WWOX: variants seen among roughly 807,000 people sequenced by gnomAD.
WWOX encodes WW domain containing oxidoreductase, also known as WW domain-containing oxidoreductase.
Under a neutral mutation model 46.2 loss-of-function variants are expected in WWOX, and 69 were observed. The observed-to-expected ratio is 1.49, with a 90% CI of 1.23 to 1.82. The LOEUF is 1.82. Ranked by LOEUF, WWOX falls within the 40% of genes most tolerant of loss-of-function variation. The probability of loss-of-function intolerance (pLI) is 0.00; values close to 1 mark genes in which losing one functional copy is unlikely to be tolerated. For synonymous variants in WWOX, 359 were observed against 202.6 expected, an observed-to-expected ratio of 1.77 and a Z score of -6.56; for missense variants, 919 against 542.6, an observed-to-expected ratio of 1.69 and a Z score of -6.89.
chr16:78,163,649 G>T (rs929753855), intron 4 of WWOX, among the ~76,000 whole-genome samples: 1 of 152,168 alleles, frequency 6.6e-6, no homozygotes. Flanking sequence ...GTATGCACGT[G>T]TGTTATTTTG....
intron 8 of WWOX, among the ~76,000 whole-genome samples, chr16:78,436,553 T>A (rs1476547298): frequency 6.6e-6 from 1 of 152,234 alleles, no homozygotes; most frequent in East Asian, 1.9e-4. Context: ...TTGGTAGTAC[T>A]TTTTTAGCCA....
At chr16:78,898,613 A>G (rs1055372488) in intron 8 of WWOX, 12 of 152,102 alleles carry the variant, frequency 7.9e-5, no homozygotes, top group Non-Finnish European at 1.6e-4. Context: ...CCTTTTACAT[A>G]TATATTTCCT....
chr16:78,157,398 T>C (rs1271963052), intron 4 of WWOX, among the ~76,000 whole-genome samples: 2 of 152,140 alleles, frequency 1.3e-5, no homozygotes, highest in African/African-American at 4.8e-5. Flanking sequence ...TGCTCACTGG[T>C]GATAAGGGGT....
chr16:78,895,711 A>T (rs1401016446), intron 8 of WWOX: 1 of 152,224 alleles, frequency 6.6e-6, no homozygotes, highest in Non-Finnish European at 1.5e-5. Flanking sequence ...CAAAAAGTTC[A>T]TTGGTCAAAT....
chr16:79,092,585 T>C (rs1233592645), intron 8 of WWOX, among the ~76,000 whole-genome samples: 2 of 152,182 alleles, frequency 1.3e-5, no homozygotes, highest in African/African-American at 2.4e-5. Flanking sequence ...CCTTGTTTTG[T>C]GTAATTGGTC....
chr16:78,745,266 C>T (rs191455638), intron 8 of WWOX, among the ~76,000 whole-genome samples: 1 of 152,216 alleles, frequency 6.6e-6, no homozygotes, highest in African/African-American at 2.4e-5. Flanking sequence ...TTGAATCTTT[C>T]AGCAAGCTTT....
intron 8 of WWOX, among the ~76,000 whole-genome samples, chr16:78,477,994 T>A (rs1355214501): frequency 6.6e-6 from 1 of 152,220 alleles, no homozygotes; most frequent in Non-Finnish European, 1.5e-5. Context: ...GGTTTTTCTA[T>A]TTTTTAATAC....
At chr16:78,261,235 G>C (rs560323455) in intron 5 of WWOX, among the ~76,000 whole-genome samples, 1 of 150,080 alleles carries the variant, frequency 6.7e-6, no homozygotes, top group African/African-American at 2.5e-5. Context: ...TGCACGTGTA[G>C]AAATGTAAGA....
intron 8 of WWOX, among the ~76,000 whole-genome samples, chr16:78,541,645 G>A (rs949059036): frequency 2.0e-5 from 3 of 151,950 alleles, no homozygotes; most frequent in East Asian, 1.9e-4. Flanking sequence ...ATCAAATCCC[G>A]CCTCTATCAT....
At chr16:78,642,495 C>T (rs181611038) in intron 8 of WWOX, among the ~76,000 whole-genome samples, 1 of 152,130 alleles carries the variant, frequency 6.6e-6, no homozygotes, top group African/African-American at 2.4e-5. Flanking sequence ...TGCACCAGGT[C>T]AGATTCAATG....
intron 8 of WWOX, among the ~76,000 whole-genome samples, chr16:78,899,822 G>A (rs187616598): frequency 4.9e-4 from 74 of 152,226 alleles, no homozygotes; most frequent in East Asian, 4.4e-3. Context: ...GAAAACTAGC[G>A]CGTGGTCTGT....
At chr16:79,122,088 C>T (rs1009628224) in intron 8 of WWOX, among the ~76,000 whole-genome samples, 4 of 152,148 alleles carry the variant, frequency 2.6e-5, no homozygotes, top group South Asian at 2.1e-4. Flanking sequence ...GGTGTGTGCT[C>T]AGCGGGCACA....
intron 8 of WWOX, among the ~76,000 whole-genome samples, chr16:79,057,778 C>T (rs560854117): frequency 3.3e-5 from 5 of 152,118 alleles, no homozygotes; most frequent in South Asian, 2.1e-4. Flanking sequence ...GACCCGGACT[C>T]GAATCCCAGC....
At chr16:78,924,020 T>A (rs2045441818) in intron 8 of WWOX, among the ~76,000 whole-genome samples, 1 of 152,072 alleles carries the variant, frequency 6.6e-6, no homozygotes, top group Non-Finnish European at 1.5e-5. Context: ...TTTCACCGTG[T>A]TAGCCAAGGA....
chr16:78,457,146 G>C (rs2083839183), intron 8 of WWOX, among the ~76,000 whole-genome samples: 1 of 152,198 alleles, frequency 6.6e-6, no homozygotes, highest in Non-Finnish European at 1.5e-5. Context: ...TCGTGTCTGT[G>C]TCTGCACCCT....
intron 8 of WWOX, among the ~76,000 whole-genome samples, chr16:78,488,829 C>T (rs542582401): frequency 2.3e-4 from 35 of 152,102 alleles, no homozygotes; most frequent in East Asian, 3.9e-4. Flanking sequence ...ATCAGTGGGA[C>T]GATTGAGTCA....
At chr16:78,864,852 TCCC>T (rs1205093488) in intron 8 of WWOX, among the ~76,000 whole-genome samples, 2 of 126,910 alleles carry the variant, frequency 1.6e-5, no homozygotes, top group African/African-American at 6.0e-5. Flanking sequence ...AACATCCACC[TCCC>T]GGGTTCAAGC....
chr16:78,955,559 C>G (rs1375489826), intron 8 of WWOX, among the ~76,000 whole-genome samples: 1 of 152,140 alleles, frequency 6.6e-6, no homozygotes, highest in Non-Finnish European at 1.5e-5. Context: ...TTAAAACCAG[C>G]AAATCATTCA....
At chr16:78,587,280 A>T (rs1394084270) in intron 8 of WWOX, among the ~76,000 whole-genome samples, 1 of 142,956 alleles carries the variant, frequency 7.0e-6, no homozygotes, top group Non-Finnish European at 1.5e-5. Context: ...CAATCCTCCC[A>T]TCTTGGCCTC....
Sources: gnomAD v4.1 joint callset for allele counts (sites outside exome capture counted in the v4.1 genomes callset) on GRCh38, gnomAD v4.1.1 for gene constraint, MANE v1.5 for transcripts, NCBI Gene and HGNC (gene_info 2026-07-23, HGNC 2026-07-21) for gene names.